Variants in WDR27 observed in about 807,000 individuals in gnomAD.
WDR27 encodes WD repeat-containing protein 27.
In WDR27, 100 loss-of-function variants were observed where a neutral mutation model predicts 114.4. The observed-to-expected ratio is 0.87, with a 90% CI of 0.74 to 1.03. The LOEUF is 1.03. Among genes scored for constraint, WDR27 ranks in the 50% least tolerant of loss-of-function variants. WDR27 has a pLI of 0.00. For synonymous variants in WDR27, 449 were observed against 423.1 expected (o/e 1.06, Z -0.75); for missense variants, 1,129 against 1,092.9 (o/e 1.03, Z -0.47).
intron 16 of WDR27, among the ~76,000 whole-genome samples, chr6:169,643,987 C>A (rs1328783719): frequency 6.6e-6 from 1 of 151,530 alleles, no homozygotes; most frequent in Non-Finnish European, 1.5e-5. Flanking sequence ...AACCCTAGTT[C>A]ACAGGAGTCA....
chr6:169,612,200 G>A (rs1299890880), intron 22 of WDR27, among the ~76,000 whole-genome samples: 1 of 151,570 alleles, frequency 6.6e-6, no homozygotes, highest in South Asian at 2.1e-4. Flanking sequence ...GGGAGGCCAA[G>A]GCGGGCAGAT....
At chr6:169,626,938 C>T (rs1482618043) in intron 21 of WDR27, among the ~76,000 whole-genome samples, 1 of 152,240 alleles carries the variant, frequency 6.6e-6, no homozygotes, top group African/African-American at 2.4e-5. Context: ...AAAACCTGGA[C>T]TCTAAAGAGT....
chr6:169,691,341 C>T (rs1393194445), intron 1 of WDR27, among the ~76,000 whole-genome samples: 1 of 152,004 alleles, frequency 6.6e-6, no homozygotes, highest in African/African-American at 2.4e-5. Flanking sequence ...GTCTCCAATT[C>T]ACAATTTTTA....
chr6:169,668,267 T>C, intron 4 of WDR27, 82 bp from the exon 5 acceptor site: 2 of 1,434,512 alleles, frequency 1.4e-6, no homozygotes, highest in Non-Finnish European at 1.9e-6. Flanking sequence ...GTCAGGTGTC[T>C]GAGCTAAGAG....
At chr6:169,682,092 C>T (rs1237577038) in intron 2 of WDR27, among the ~76,000 whole-genome samples, 3 of 152,198 alleles carry the variant, frequency 2.0e-5, no homozygotes, top group Admixed American at 6.5e-5. Context: ...CACAGCAGAT[C>T]CCAGACGGGC....
At chr6:169,621,792 A>G (rs1027852795) in intron 21 of WDR27, among the ~76,000 whole-genome samples, 1 of 152,180 alleles carries the variant, frequency 6.6e-6, no homozygotes, top group African/African-American at 2.4e-5. Flanking sequence ...ATGCATGCAT[A>G]TACATACCCA....
At chr6:169,486,382 C>T (rs986288579) in intron 25 of WDR27, among the ~76,000 whole-genome samples, 3 of 152,202 alleles carry the variant, frequency 2.0e-5, no homozygotes, top group African/African-American at 7.2e-5. Flanking sequence ...CTAACTGCAG[C>T]ACAGGCTGTG....
intron 21 of WDR27, among the ~76,000 whole-genome samples, chr6:169,623,515 C>T (rs1044893167): frequency 6.6e-6 from 1 of 152,150 alleles, no homozygotes; most frequent in African/African-American, 2.4e-5. Flanking sequence ...GGCCCTCAGC[C>T]AGTGACGGCA....
At chr6:169,511,313 T>C (rs1219407987) in intron 25 of WDR27, among the ~76,000 whole-genome samples, 2 of 152,198 alleles carry the variant, frequency 1.3e-5, no homozygotes, top group Non-Finnish European at 2.9e-5. Context: ...ATATGTTCCA[T>C]TAAAATCAAA....
At chr6:169,638,178 C>T (rs1054254075) in intron 18 of WDR27, among the ~76,000 whole-genome samples, 3 of 120,914 alleles carry the variant, frequency 2.5e-5, no homozygotes, top group Non-Finnish European at 1.7e-5. Context: ...TAGCCGGGCG[C>T]GGTGGCGGGC....
intron 25 of WDR27, among the ~76,000 whole-genome samples, chr6:169,480,059 G>C (rs986597759): frequency 1.3e-5 from 2 of 152,216 alleles, no homozygotes; most frequent in Admixed American, 6.5e-5. Flanking sequence ...GCAGGAACCA[G>C]GGCTGTGCAT....
intron 14 of WDR27, among the ~76,000 whole-genome samples, chr6:169,649,982 T>C (rs1280995999): frequency 7.9e-6 from 1 of 126,036 alleles, no homozygotes; most frequent in Non-Finnish European, 1.6e-5. Context: ...CATGCATTCA[T>C]CTCTCATCCC....
chr6:169,483,217 C>T (rs550200873), intron 25 of WDR27, among the ~76,000 whole-genome samples: 2 of 152,124 alleles, frequency 1.3e-5, no homozygotes, highest in Non-Finnish European at 2.9e-5. Flanking sequence ...AGACACAAAA[C>T]AATTCAAAAG....
chr6:169,532,794 A>G (rs898515734), intron 25 of WDR27, among the ~76,000 whole-genome samples: 1 of 151,908 alleles, frequency 6.6e-6, no homozygotes, highest in African/African-American at 2.4e-5. Context: ...CAGTCCCTTA[A>G]TCTAGACCCC....
At chr6:169,507,361 C>A (rs879530789) in intron 25 of WDR27, among the ~76,000 whole-genome samples, 1 of 152,136 alleles carries the variant, frequency 6.6e-6, no homozygotes, top group Admixed American at 6.5e-5. Flanking sequence ...AGGTACACAC[C>A]CACAGTGGTT....
the WDR27 span, among the ~76,000 whole-genome samples, chr6:169,436,765 ATAAAT>A: frequency 6.6e-6 from 1 of 152,180 alleles, no homozygotes; most frequent in Non-Finnish European, 1.5e-5. Context: ...ATTGCTAAAT[ATAAAT>A]TAATGTTTCT....
chr6:169,548,139 C>T (rs1276930704), intron 25 of WDR27, among the ~76,000 whole-genome samples: 2 of 152,000 alleles, frequency 1.3e-5, no homozygotes, highest in African/African-American at 4.8e-5. Flanking sequence ...AGTACAAGGT[C>T]TATATGAGGA....
chr6:169,603,172 C>A (rs1245166071), intron 22 of WDR27, among the ~76,000 whole-genome samples: 3 of 139,802 alleles, frequency 2.1e-5, no homozygotes, highest in African/African-American at 2.7e-5. Flanking sequence ...TTTTTTGAGA[C>A]AGAGTCTCGC....
intron 5 of WDR27, among the ~76,000 whole-genome samples, 178 bp downstream of exon 5, chr6:169,667,804 A>T (rs1828286883): frequency 6.6e-6 from 1 of 152,232 alleles, no homozygotes; most frequent in Non-Finnish European, 1.5e-5. Context: ...CGGCCCCGGC[A>T]AAACATCCGG....
Sources: gnomAD v4.1 joint callset for allele counts (sites outside exome capture counted in the v4.1 genomes callset) on GRCh38, gnomAD v4.1.1 for gene constraint, MANE v1.5 for transcripts, NCBI Gene and HGNC (gene_info 2026-07-23, HGNC 2026-07-21) for gene names.